Variants in IL1RAPL1 observed in about 807,000 individuals in gnomAD.
The protein encoded by IL1RAPL1 is interleukin-1 receptor accessory protein-like 1.
Under a neutral mutation model 48.4 loss-of-function variants are expected in IL1RAPL1, and 3 were observed. The observed-to-expected ratio is 0.06, with a 90% CI of 0.03 to 0.16. The LOEUF (loss-of-function observed/expected upper bound fraction) is 0.16. Ranked by LOEUF, IL1RAPL1 falls within the 10% of genes least tolerant of loss-of-function variation. The pLI is 1.00. For missense variants in IL1RAPL1, 349 were observed against 530.6 expected, an observed-to-expected ratio of 0.66 and a Z score of 3.36; for synonymous variants, 185 against 187.7, an observed-to-expected ratio of 0.99 and a Z score of 0.12.
At chrX:28,731,815 G>T (rs1365932949) in intron 1 of IL1RAPL1, among the ~76,000 whole-genome samples, 1 of 111,902 alleles carries the variant, frequency 8.9e-6, no homozygotes, top group Non-Finnish European at 1.9e-5. Context: ...TTTTAAGAAA[G>T]ATGTCAAAGA....
At chrX:29,545,621 G>A (rs950542981) in intron 5 of IL1RAPL1, among the ~76,000 whole-genome samples, 19 of 111,966 alleles carry the variant, frequency 1.7e-4, no homozygotes, top group African/African-American at 4.9e-4. Flanking sequence ...TTCACATAGC[G>A]TCATGTATGT....
intron 8 of IL1RAPL1, among the ~76,000 whole-genome samples, chrX:29,938,042 GCTCT>G (rs763662495): frequency 1.5e-3 from 163 of 111,450 alleles, no homozygotes; most frequent in Non-Finnish European, 2.8e-3. Context: ...CATCAACCCT[GCTCT>G]CTTTTTCTTA....
intron 1 of IL1RAPL1, among the ~76,000 whole-genome samples, chrX:28,597,898 C>T (rs754417864): frequency 2.8e-5 from 3 of 109,090 alleles, no homozygotes; most frequent in African/African-American, 1.0e-4. Context: ...AGTTGCCACA[C>T]ACTGTAGCAA....
At chrX:28,900,827 T>C (rs1262822074) in intron 2 of IL1RAPL1, among the ~76,000 whole-genome samples, 1 of 111,913 alleles carries the variant, frequency 8.9e-6, no homozygotes, top group Non-Finnish European at 1.9e-5. Flanking sequence ...GTCTCTGTTC[T>C]AGCTCCCCCT....
chrX:29,364,051 C>A (rs1052238164), intron 3 of IL1RAPL1, among the ~76,000 whole-genome samples: 6 of 112,269 alleles, frequency 5.3e-5, no homozygotes, highest in Admixed American at 4.7e-4. Context: ...ATCTGAATGA[C>A]CTGTTCCTAA....
intron 2 of IL1RAPL1, among the ~76,000 whole-genome samples, chrX:28,836,800 AATT>A (rs768807210): frequency 1.0e-4 from 11 of 109,987 alleles, no homozygotes; most frequent in Admixed American, 6.8e-4. Flanking sequence ...TGCTGCCATT[AATT>A]ATTATTATTA....
At chrX:29,732,817 T>C (rs1199621150) in intron 6 of IL1RAPL1, among the ~76,000 whole-genome samples, 1 of 112,344 alleles carries the variant, frequency 8.9e-6, no homozygotes, top group Non-Finnish European at 1.9e-5. Context: ...AGTAGTGACA[T>C]CTACCAGCTT....
rs1031237446 is a variant in IL1RAPL1, at chrX:29,185,915, T to C, written c.83-97023T>C. Reference sequence around the variant, plus strand: ...TTTGACAAAGGAAATAAAGAGGTATTCTAGGCAAGGGGCAGCAAATGACTA... The same window carrying C: ...TTTGACAAAGGAAATAAAGAGGTATCCTAGGCAAGGGGCAGCAAATGACTA... On this transcript the variant is annotated intron_variant, in intron 2 of 10. Transcript: ENST00000378993. Among the ~76,000 whole-genome samples the C allele has an allele frequency of 2.7e-5, 3 of 111,013 alleles. No homozygotes were observed. The Admixed American group carries it at 2.9e-4, about 11-fold the overall frequency.
At chrX:29,168,715 G>A (rs138753512) in intron 2 of IL1RAPL1, among the ~76,000 whole-genome samples, 1,371 of 25,810 alleles carry the variant, frequency 0.053, 78 homozygotes, top group African/African-American at 0.07. Flanking sequence ...ATATTCATAT[G>A]TACAATTGTA....
intron 3 of IL1RAPL1, among the ~76,000 whole-genome samples, chrX:29,332,645 TTTA>T (rs1392596110): frequency 3.5e-4 from 28 of 79,800 alleles, no homozygotes; most frequent in Non-Finnish European, 5.5e-4. Context: ...TATTTATTTA[TTTA>T]TTTTATTTTT....
intron 5 of IL1RAPL1, among the ~76,000 whole-genome samples, chrX:29,565,615 TA>T (rs1922375069): frequency 8.9e-6 from 1 of 112,141 alleles, no homozygotes; most frequent in South Asian, 3.6e-4. Context: ...CCAGATTGCG[TA>T]AATTCTAAAT....
chrX:28,978,529 T>C (rs1925258235), intron 2 of IL1RAPL1, among the ~76,000 whole-genome samples: 1 of 112,179 alleles, frequency 8.9e-6, no homozygotes, highest in Admixed American at 9.4e-5. Context: ...AAGACAACTT[T>C]ACTCAGAATT....
intron 1 of IL1RAPL1, among the ~76,000 whole-genome samples, chrX:28,640,886 A>G (rs773964000): frequency 1.4e-4 from 16 of 110,687 alleles, no homozygotes; most frequent in Non-Finnish European, 2.8e-4. Context: ...TCTATGCTGC[A>G]TATCAAATCC....
At chrX:29,718,259 G>A (rs1927535976) in intron 6 of IL1RAPL1, among the ~76,000 whole-genome samples, 1 of 110,799 alleles carries the variant, frequency 9.0e-6, no homozygotes, top group Admixed American at 9.7e-5. Context: ...CATACACCAT[G>A]GAATACTATG....
intron 3 of IL1RAPL1, among the ~76,000 whole-genome samples, chrX:29,299,007 G>T (rs1932492248): frequency 9.1e-6 from 1 of 109,518 alleles, no homozygotes; most frequent in Admixed American, 9.8e-5. Flanking sequence ...CCCTTAATCT[G>T]GGTGGGCACC....
intron 2 of IL1RAPL1, among the ~76,000 whole-genome samples, chrX:28,905,294 A>G (rs1435907798): frequency 9.0e-6 from 1 of 111,686 alleles, no homozygotes; most frequent in Admixed American, 9.6e-5. Flanking sequence ...TTCTATTTAA[A>G]TGGATATTCA....
At chrX:28,784,685 T>C (rs1192719276) in intron 1 of IL1RAPL1, among the ~76,000 whole-genome samples, 1 of 111,822 alleles carries the variant, frequency 8.9e-6, no homozygotes, top group East Asian at 2.8e-4. Flanking sequence ...ATCCAGGTTT[T>C]TCTGATTCTA....
intron 5 of IL1RAPL1, among the ~76,000 whole-genome samples, chrX:29,493,228 A>T (rs58753778): frequency 0.093 from 10,348 of 111,660 alleles, 811 homozygotes; most frequent in African/African-American, 0.25. Flanking sequence ...CCAAGAGTTA[A>T]GAGATCAAAG....
intron 5 of IL1RAPL1, among the ~76,000 whole-genome samples, chrX:29,548,228 G>A (rs371610304): frequency 1.8e-5 from 2 of 112,362 alleles, no homozygotes; most frequent in Non-Finnish European, 3.8e-5. Context: ...TTTATTTCTC[G>A]TATTATGCTG....
Sources: allele counts gnomAD v4.1 joint callset (sites outside exome capture counted in the v4.1 genomes callset), GRCh38; gene constraint gnomAD v4.1.1; transcripts MANE v1.5; gene names NCBI Gene and HGNC (gene_info 2026-07-23, HGNC 2026-07-21).